Variants in RARA observed in about 807,000 individuals in gnomAD.
RARA encodes PML-DDX5-RARA fusion.
A neutral mutation model predicts 42.8 loss-of-function variants in RARA; 5 were observed. That is an observed-to-expected ratio of 0.12 (90% CI 0.06 to 0.25). The LOEUF (loss-of-function observed/expected upper bound fraction) is 0.25. RARA is among the 10% of genes least tolerant of loss of function. RARA has a pLI of 1.00. For synonymous variants in RARA, 256 were observed against 259.5 expected, an observed-to-expected ratio of 0.99 and a Z score of 0.13; for missense variants, 402 against 628.7, an observed-to-expected ratio of 0.64 and a Z score of 3.86.
At chr17:40,343,050 T>G (rs2034131081) in intron 2 of RARA, 2 of 1,260,454 alleles carry the variant, frequency 1.6e-6, no homozygotes, top group Non-Finnish European at 2.1e-6. Context: ...CCAGTAACCC[T>G]AAGTGCAATT....
Position 40,351,714 on chromosome 17 carries a change from T to C in RARA, c.470-196T>C, listed in dbSNP as rs894615850. ...GCTCATGGGGCTTCTGGGGCAGAACTTGATGTGTGGGTTGGGTGGGCATGG... is the reference window on the plus strand; with the variant it reads ...GCTCATGGGGCTTCTGGGGCAGAACCTGATGTGTGGGTTGGGTGGGCATGG... On this transcript the variant is annotated intron_variant, in intron 4 of 8. Coordinates refer to ENST00000254066, the MANE Select transcript of RARA (RefSeq NM_000964.4). This position sits in a 1 kb window ranked among gnomAD's most constrained non-coding sequence, Gnocchi z 4.1. Among the ~76,000 whole-genome samples, 1 of 152,020 alleles carries C rather than the reference T, an allele frequency of 6.6e-6. No individual in the cohort carries two copies. The highest frequency in any genetic ancestry group is 2.4e-5 in the African/African-American group (1 of 41,378).
chr17:40,323,738 G>C (rs375762074), intron 1 of RARA, among the ~76,000 whole-genome samples: 5 of 140,616 alleles, frequency 3.6e-5, no homozygotes, highest in South Asian at 4.9e-4. Context: ...GCTTGGGGGG[G>C]GGTCAATGGG....
rs2034621544 is a variant in RARA, at chr17:40,356,184, C to T, written c.1347C>T (p.Ser449=). ...CAGGCAGCTGTAGCCCCAGCCTCAGCCCCAGCTCCAACAGAAGCAGCCCGG... is the reference window on the plus strand; with the variant it reads ...CAGGCAGCTGTAGCCCCAGCCTCAGTCCCAGCTCCAACAGAAGCAGCCCGG... The part of the protein sequence containing the change: ...PPPGSCSPSL[S]PSSNRSSPAT... The change falls in exon 9 of 9, where the codon AGC becomes AGT. Residue 449 remains serine, a synonymous_variant. Transcript: ENST00000254066. 2 of 1,550,660 alleles carry T rather than the reference C, an allele frequency of 1.3e-6. No homozygotes were observed. The highest frequency in any genetic ancestry group is 1.7e-6 in the Non-Finnish European group (2 of 1,147,238).
intron 2 of RARA, among the ~76,000 whole-genome samples, chr17:40,335,751 G>A (rs1037354472): frequency 6.6e-6 from 1 of 152,054 alleles, no homozygotes; most frequent in African/African-American, 2.4e-5. Flanking sequence ...GCGCCTGCCT[G>A]TAATCCCAGC....
Position 40,342,257 on chromosome 17 carries a change from G to T in RARA, c.179-6059G>T, listed in dbSNP as rs1032970152. 9 of 1,056,982 alleles carry T rather than the reference G, an allele frequency of 8.5e-6. No homozygotes were observed. The African/African-American group carries it at 1.2e-4, about 14-fold the overall frequency. 65.5% of individuals were successfully genotyped at this position (1,056,982 alleles called of 1,614,324 possible). ...ATCCCCACCCCCACCCGGAATCCTC[G>T]CCACGGAGAATCCCTGGAGAAGCCC... is the stretch of plus-strand genomic sequence containing the variant. On this transcript the variant is annotated intron_variant, in intron 2 of 8. Transcript: ENST00000254066.
intron 1 of RARA, among the ~76,000 whole-genome samples, chr17:40,324,300 T>G (rs1462891810): frequency 6.6e-6 from 1 of 152,138 alleles, no homozygotes; most frequent in East Asian, 1.9e-4. Flanking sequence ...TTCCCATTTT[T>G]TTTTTCCTTC....
chr17:40,345,779 C>G lies in RARA; in HGVS notation c.179-2537C>G, dbSNP rs945297744. ...TCCCCCGTTGGTGTCCCTCCCCACT[C>G]CACCTGTGTGTGCAGGGAGTTATGG... On this transcript the variant is annotated intron_variant, in intron 2 of 8. Coordinates refer to ENST00000254066, the MANE Select transcript of RARA (RefSeq NM_000964.4). The surrounding 1 kb of genome is among the most constrained non-coding windows in gnomAD (Gnocchi z 4.8). Among the ~76,000 whole-genome samples, 18 of 152,226 alleles carry G rather than the reference C, an allele frequency of 1.2e-4. 1 individual carries two copies. Among genetic ancestry groups the G allele is most frequent in the Admixed American group, 1.2e-3 (18 of 15,288 alleles).
At position 40,356,730 on chromosome 17, in the gene RARA, C is replaced by G. The variant is rs1338955090; in HGVS notation, c.*504C>G. On this transcript the variant is annotated 3_prime_UTR_variant, in exon 9 of 9. Coordinates refer to ENST00000254066, the MANE Select transcript of RARA (RefSeq NM_000964.4). ...TACCAACCCCAGGTATTAATTCTCGCTGGTTTTGTTTTTATTTTAATTTTT... is the reference window on the plus strand; with the variant it reads ...TACCAACCCCAGGTATTAATTCTCGGTGGTTTTGTTTTTATTTTAATTTTT... The G allele has an allele frequency of 1.9e-6, 1 of 533,700 alleles. No homozygotes were observed. 33.1% of individuals were successfully genotyped at this position (533,700 alleles called of 1,614,324 possible).
At chr17:40,315,999 T>G (rs2033206415) in intron 1 of RARA, among the ~76,000 whole-genome samples, 1 of 152,094 alleles carries the variant, frequency 6.6e-6, no homozygotes, top group African/African-American at 2.4e-5. Flanking sequence ...GAGGGGGTGG[T>G]GGAAGCCCTG....
At chr17:40,337,957 A>G (rs2033904582) in intron 2 of RARA, among the ~76,000 whole-genome samples, 1 of 152,254 alleles carries the variant, frequency 6.6e-6, no homozygotes, top group South Asian at 2.1e-4. Context: ...GCTGCCTAGC[A>G]ATGCCTTTCT....
chr17:40,344,000 T>C (rs746588337), intron 2 of RARA, among the ~76,000 whole-genome samples: 8 of 152,020 alleles, frequency 5.3e-5, no homozygotes, highest in Non-Finnish European at 1.2e-4. Context: ...TCCTGGGCTT[T>C]GGGCTCTTTG....
At chr17:40,333,014 T>C (rs1276222543) in intron 2 of RARA, among the ~76,000 whole-genome samples, 1 of 152,212 alleles carries the variant, frequency 6.6e-6, no homozygotes, top group Non-Finnish European at 1.5e-5. Context: ...ACTAGAAGAC[T>C]GTCTGCTTCC....
At chr17:40,332,471 C>G (rs1170096366) in intron 2 of RARA, among the ~76,000 whole-genome samples, 3 of 152,202 alleles carry the variant, frequency 2.0e-5, no homozygotes, top group Non-Finnish European at 4.4e-5. Flanking sequence ...CCTGGCTGGG[C>G]TGGGTCAGTG....
chr17:40,324,554 G>A (rs962993815), intron 1 of RARA, among the ~76,000 whole-genome samples: 5 of 152,140 alleles, frequency 3.3e-5, no homozygotes, highest in African/African-American at 9.7e-5. Flanking sequence ...GGACTGCCCC[G>A]AGCTTGGATT....
intron 2 of RARA, chr17:40,342,568 C>G: frequency 7.3e-7 from 1 of 1,376,864 alleles, no homozygotes; most frequent in Non-Finnish European, 9.4e-7. Flanking sequence ...AGGGGGCGCC[C>G]CCTGCCCGGG....
At chr17:40,311,799 G>A (rs2143148043) in intron 1 of RARA, among the ~76,000 whole-genome samples, 1 of 152,224 alleles carries the variant, frequency 6.6e-6, no homozygotes. Flanking sequence ...GGAGGTGTCA[G>A]GAATCCCAGG....
At chr17:40,322,280 G>T (rs1291645760) in intron 1 of RARA, among the ~76,000 whole-genome samples, 1 of 151,662 alleles carries the variant, frequency 6.6e-6, no homozygotes, top group African/African-American at 2.4e-5. Flanking sequence ...GGGAGAAGTG[G>T]CAGGGAAGAG....
chr17:40,310,025 C>T (rs1275746262), intron 1 of RARA, among the ~76,000 whole-genome samples: 1 of 152,106 alleles, frequency 6.6e-6, no homozygotes, highest in Non-Finnish European at 1.5e-5. Flanking sequence ...GGAGGGATAC[C>T]AGAGTGTGGC....
chr17:40,330,522 C>T (rs2033663976), intron 1 of RARA, among the ~76,000 whole-genome samples: 1 of 152,188 alleles, frequency 6.6e-6, no homozygotes, highest in Admixed American at 6.5e-5. Context: ...CTCAGGTAAC[C>T]CTCACTGGGG....
Sources: gnomAD v4.1 joint callset for allele counts (sites outside exome capture counted in the v4.1 genomes callset) on GRCh38, gnomAD v4.1.1 for gene constraint, Gnocchi (gnomAD v3.1) non-coding constraint, MANE v1.5 for transcripts, NCBI Gene and HGNC (gene_info 2026-07-23, HGNC 2026-07-21) for gene names.